Variants in GLIS3 observed in about 807,000 individuals in gnomAD.
The protein encoded by GLIS3 is GLIS family zinc finger 3.
GLIS3 carries 53 observed loss-of-function variants against 78.6 expected under a neutral mutation model. The ratio of observed to expected loss-of-function variants is 0.67; its 90% confidence interval spans 0.54 to 0.85. GLIS3 has a LOEUF of 0.85. GLIS3 is among the 40% of genes least tolerant of loss of function. The probability of loss-of-function intolerance (pLI) is 0.00; values close to 1 mark genes in which losing one functional copy is unlikely to be tolerated. For synonymous variants in GLIS3, 684 were observed against 509.9 expected (o/e 1.34, Z -4.60); for missense variants, 1,703 against 1,231.1 (o/e 1.38, Z -5.74).
intron 2 of GLIS3, among the ~76,000 whole-genome samples, chr9:4,208,175 CAT>C: frequency 6.6e-6 from 1 of 152,362 alleles, no homozygotes; most frequent in South Asian, 2.1e-4. Context: ...TCTTGCCACA[CAT>C]GAGTAATCTA....
chr9:4,274,321 T>G (rs777251618), intron 2 of GLIS3, among the ~76,000 whole-genome samples: 4 of 152,172 alleles, frequency 2.6e-5, no homozygotes, highest in Non-Finnish European at 4.4e-5. Flanking sequence ...CTTTTTCCTT[T>G]CTTCTTAGGT....
chr9:3,895,881 A>G (rs561392695), intron 7 of GLIS3, among the ~76,000 whole-genome samples: 35 of 152,352 alleles, frequency 2.3e-4, no homozygotes, highest in Admixed American at 2.2e-3. Flanking sequence ...TTCTATGCTC[A>G]TACATACTCA....
At chr9:4,053,737 C>T (rs1825917058) in intron 4 of GLIS3, among the ~76,000 whole-genome samples, 1 of 95,146 alleles carries the variant, frequency 1.1e-5, no homozygotes, top group African/African-American at 3.2e-5. Flanking sequence ...TGGATAGCAA[C>T]TAGCAGCAAA....
intron 2 of GLIS3, among the ~76,000 whole-genome samples, chr9:4,206,014 A>G (rs939544290): frequency 1.3e-5 from 2 of 152,150 alleles, no homozygotes; most frequent in African/African-American, 4.8e-5. Flanking sequence ...AGATACCTGA[A>G]TCTGATTTAG....
intron 9 of GLIS3, among the ~76,000 whole-genome samples, chr9:3,833,260 C>T (rs1202708899): frequency 6.6e-6 from 1 of 152,180 alleles, no homozygotes; most frequent in Non-Finnish European, 1.5e-5. Context: ...TATTAAATCT[C>T]TCCAAGTAGC....
intron 2 of GLIS3, among the ~76,000 whole-genome samples, chr9:4,341,913 G>A (rs1022602184): frequency 6.6e-6 from 1 of 152,156 alleles, no homozygotes. Flanking sequence ...AGAAGTATCT[G>A]TTCATGTCCT....
At chr9:4,059,250 C>T (rs952886056) in intron 4 of GLIS3, among the ~76,000 whole-genome samples, 5 of 152,304 alleles carry the variant, frequency 3.3e-5, no homozygotes, top group South Asian at 4.1e-4. Flanking sequence ...GTCAGTTTTC[C>T]AAACTAGGGA....
chr9:4,321,195 C>T (rs554952056), intron 2 of GLIS3, among the ~76,000 whole-genome samples: 16 of 149,260 alleles, frequency 1.1e-4, no homozygotes, highest in South Asian at 2.1e-4. Context: ...CCGAGGCGGG[C>T]GGATCACAAG....
rs528590759 is a variant in GLIS3, at chr9:3,884,455, G to A, written c.2129-4860C>T. ...TTGTTTAAAACTATGTGAGCAGCAA[G>A]AGTCCTGCTTCTCAAGCTTTAATGT... On this transcript the variant is annotated intron_variant, in intron 7 of 10. Transcript: ENST00000381971. Among the ~76,000 whole-genome samples, 100 of 152,304 alleles carry A rather than the reference G, an allele frequency of 6.6e-4. 1 individual carries two copies. The highest frequency in any genetic ancestry group is 5.4e-3 in the South Asian group (26 of 4,822).
chr9:4,424,488 G>A, the GLIS3 span, among the ~76,000 whole-genome samples: 523 of 152,274 alleles, frequency 3.4e-3, 2 homozygotes, highest in African/African-American at 0.012. Flanking sequence ...AAGGTCTAAC[G>A]TGGTCTCTTA....
intron 2 of GLIS3, among the ~76,000 whole-genome samples, chr9:4,314,582 C>T (rs1817411973): frequency 6.6e-6 from 1 of 152,184 alleles, no homozygotes; most frequent in African/African-American, 2.4e-5. Context: ...GCAGGGTAAA[C>T]CTCTACTAAG....
At chr9:4,050,562 C>A (rs7029320) in intron 4 of GLIS3, among the ~76,000 whole-genome samples, 1 of 151,812 alleles carries the variant, frequency 6.6e-6, no homozygotes, top group East Asian at 1.9e-4. Context: ...AAACCTGCAG[C>A]TTGTGCACAT....
At chr9:4,399,544 T>A in the GLIS3 span, among the ~76,000 whole-genome samples, 1 of 152,268 alleles carries the variant, frequency 6.6e-6, no homozygotes, top group Non-Finnish European at 1.5e-5. Context: ...ATTTCCCCTG[T>A]ACCATGCTGC....
At chr9:4,209,795 C>T (rs1820222884) in intron 2 of GLIS3, among the ~76,000 whole-genome samples, 1 of 137,620 alleles carries the variant, frequency 7.3e-6, no homozygotes, top group Non-Finnish European at 1.6e-5. Flanking sequence ...CACTGTCCAC[C>T]AGAATCCAGT....
upstream of GLIS3, among the ~76,000 whole-genome samples, chr9:4,351,312 G>C (rs1255997039): frequency 6.6e-6 from 1 of 150,460 alleles, no homozygotes; most frequent in East Asian, 2.0e-4. Context: ...GGCTGAGGAA[G>C]GAGGATCACT....
intron 2 of GLIS3, among the ~76,000 whole-genome samples, chr9:4,339,195 G>A (rs1383380184): frequency 6.6e-6 from 1 of 152,206 alleles, no homozygotes; most frequent in Non-Finnish European, 1.5e-5. Flanking sequence ...CCCCAGGTGT[G>A]TAAGTCACAT....
chr9:4,286,217 G>C lies in GLIS3; in HGVS notation c.209C>G (p.Pro70Arg), dbSNP rs767830058. ...LKMPSGGGMAPQNNVAESRIH... is the reference protein window; with the variant it reads ...LKMPSGGGMARQNNVAESRIH... ...GCGGCTCTCAGCCACGTTGTTCTGAGGAGCCATCCCTCCTCCTGAGGGCAT... is the reference window on the plus strand; with the variant it reads ...GCGGCTCTCAGCCACGTTGTTCTGACGAGCCATCCCTCCTCCTGAGGGCAT... Residue 70 changes from proline to arginine, a missense_variant, in exon 2 of 11, where the codon CCT becomes CGT. Physicochemically the swap from Pro to Arg is moderately radical, Grantham distance 103. Coordinates refer to ENST00000381971, the MANE Select transcript of GLIS3 (RefSeq NM_001042413.2). 2.5e-6 allele frequency: 4 copies of C among 1,614,232 alleles called. No individual in the cohort carries two copies. The highest frequency in any genetic ancestry group is 1.7e-5 in the Admixed American group (1 of 60,026).
intron 2 of GLIS3, among the ~76,000 whole-genome samples, chr9:4,277,402 G>C (rs1226696025): frequency 1.3e-5 from 2 of 152,126 alleles, no homozygotes; most frequent in Non-Finnish European, 2.9e-5. Context: ...AAATAAACAT[G>C]AAACTTGATG....
chr9:4,147,827 A>G (rs949449673), intron 2 of GLIS3, among the ~76,000 whole-genome samples: 23 of 152,296 alleles, frequency 1.5e-4, no homozygotes, highest in African/African-American at 5.3e-4. Context: ...AAAAAAAAAA[A>G]AAAATTATAA....
Sources: gnomAD v4.1 joint callset for allele counts (sites outside exome capture counted in the v4.1 genomes callset) on GRCh38, gnomAD v4.1.1 for gene constraint, MANE v1.5 for transcripts, NCBI Gene and HGNC (gene_info 2026-07-23, HGNC 2026-07-21) for gene names.